Variants in SYNE2 observed in about 807,000 individuals in gnomAD.
SYNE2 encodes spectrin repeat containing nuclear envelope protein 2.
SYNE2 carries 431 observed loss-of-function variants against 856.3 expected under a neutral mutation model. The observed-to-expected ratio is 0.50, with a 90% CI of 0.47 to 0.55. The LOEUF is 0.55. Ranked by LOEUF, SYNE2 falls within the 20% of genes least tolerant of loss-of-function variation. The pLI, the probability that SYNE2 is intolerant of heterozygous loss-of-function variation, is 0.00. For synonymous variants in SYNE2, 2,923 were observed against 2,872.3 expected (o/e 1.02, Z -0.56); for missense variants, 8,129 against 8,023.2 (o/e 1.01, Z -0.50).
rs777286725 is a variant in SYNE2 at position 63,960,848 on chromosome 14, C to T, written c.788-677C>T. The T allele has an allele frequency of 4.1e-5, 30 of 737,590 alleles. 1 individual carries two copies. The East Asian group carries it at 6.9e-4, about 17-fold the overall frequency. The allele number at this position is 737,590 out of a possible 1,614,324, so 45.7% of individuals were successfully genotyped here. On this transcript the variant is annotated intron_variant, in intron 8 of 115. Transcript: ENST00000555002. ...CTGTTTGAGGCCAGGAGTTTGAGAC[C>T]AGACTGGACAACATAGAGAGACCCT...
rs2097827386 is a variant in SYNE2 at position 64,113,322 on chromosome 14, A to C, written c.12610-19A>C. ...CTGAAAACTTTGGACTCCCTGGCTT[A>C]TCTTTGGATTTCTCTTAGGGCACCA... On this transcript the variant is annotated intron_variant, in intron 65 of 115. Transcript: ENST00000555002. The C allele has an allele frequency of 2.5e-6, 4 of 1,613,032 alleles. No individual in the cohort carries two copies. Among genetic ancestry groups the C allele is most frequent in the Non-Finnish European group, 3.4e-6 (4 of 1,179,984 alleles).
At chr14:64,201,041 C>T (rs111282390) in intron 99 of SYNE2, among the ~76,000 whole-genome samples, 9 of 152,338 alleles carry the variant, frequency 5.9e-5, no homozygotes, top group African/African-American at 2.2e-4. Context: ...GCTGACTTTA[C>T]ATGCAGCCTC....
At chr14:64,185,056 G>A (rs993833514) in intron 96 of SYNE2, among the ~76,000 whole-genome samples, 8 of 152,232 alleles carry the variant, frequency 5.3e-5, no homozygotes, top group African/African-American at 1.7e-4. Flanking sequence ...GGGAGTTTGA[G>A]ACCAGCCTGG....
intron 1 of SYNE2, among the ~76,000 whole-genome samples, chr14:63,837,320 G>A (rs1287793977): frequency 2.0e-5 from 3 of 151,436 alleles, no homozygotes; most frequent in Non-Finnish European, 4.4e-5. Flanking sequence ...ACCTAAAAAG[G>A]AAGAGCTAAA....
intron 64 of SYNE2, among the ~76,000 whole-genome samples, chr14:64,104,603 C>A (rs2097759560): frequency 6.6e-6 from 1 of 152,124 alleles, no homozygotes; most frequent in South Asian, 2.1e-4. Context: ...GTGCCCGCCA[C>A]CATGCCTGGC....
At chr14:64,182,710 G>A (rs2153740594) in intron 96 of SYNE2, among the ~76,000 whole-genome samples, 1 of 152,356 alleles carries the variant, frequency 6.6e-6, no homozygotes, top group South Asian at 2.1e-4. Flanking sequence ...TTGGGGGTAA[G>A]GTCATAGATT....
chr14:64,116,216 G>T (rs2097852999), intron 66 of SYNE2, among the ~76,000 whole-genome samples: 1 of 150,872 alleles, frequency 6.6e-6, no homozygotes, highest in Non-Finnish European at 1.5e-5. Context: ...AGGGAGGGAG[G>T]ATTATGCTTA....
Position 64,024,475 on chromosome 14 carries a change from G to A in SYNE2, c.5840+16G>A, listed in dbSNP as rs1359053735. ...AGCTACTGAGGTAGGAAATAAAGAT[G>A]ATATCTAAATAACATGTTTTCTAAC... On this transcript the variant is annotated intron_variant, in intron 39 of 115. Coordinates refer to ENST00000555002, the MANE Select transcript of SYNE2 (RefSeq NM_182914.3). 4.3e-6 allele frequency: 7 copies of A among 1,609,374 alleles called. No homozygotes were observed. The highest frequency in any genetic ancestry group is 5.9e-6 in the Non-Finnish European group (7 of 1,176,496).
At position 64,202,829 on chromosome 14, in the gene SYNE2, T is replaced by C; in HGVS notation, c.18067T>C (p.Phe6023Leu). The change falls in exon 100 of 116, where the codon TTT (phenylalanine) becomes CTT (leucine). Residue 6023 changes from phenylalanine (F) to leucine (L), a missense_variant. By Grantham distance (22) the Phe-to-Leu change is conservative. This residue lies in a region of SYNE2 where 5,410 missense variants were observed against 5,284.8 expected (regional missense o/e 1.02). Transcript: ENST00000555002. ...GAAGAAGCTGAAGGAGACCTTTGCT[T>C]TTATTCAGCAGTTGGACAAAAACAT... is the stretch of plus-strand genomic sequence containing the variant. Reference protein sequence around the residue: ...RVKKLKETFAFIQQLDKNMSN... With the variant: ...RVKKLKETFALIQQLDKNMSN... 1 of 1,614,206 alleles carries C rather than the reference T, an allele frequency of 6.2e-7. No individual in the cohort carries two copies. Among genetic ancestry groups the C allele is most frequent in the Non-Finnish European group, 8.5e-7 (1 of 1,180,030 alleles).
rs1157236585 is a variant in SYNE2 at position 64,225,874 on chromosome 14, C to T, written c.*348C>T. The T allele has an allele frequency of 3.7e-6, 2 of 536,992 alleles. No homozygotes were observed. Among genetic ancestry groups the T allele is most frequent in the Non-Finnish European group, 3.3e-6 (1 of 300,480 alleles). The allele number at this position is 536,992 out of a possible 1,614,324, so 33.3% of individuals were successfully genotyped here. On this transcript the variant is annotated 3_prime_UTR_variant, in exon 116 of 116. Coordinates refer to ENST00000555002, the MANE Select transcript of SYNE2 (RefSeq NM_182914.3). ...TTATAATGTAGGTATGGTCAATGAG[C>T]AGTGGTGTCCATCACATATATTATA...
At chr14:64,021,583 T>G (rs986457283) in intron 36 of SYNE2, 68 bp downstream of exon 36, 3 of 1,567,444 alleles carry the variant, frequency 1.9e-6, no homozygotes, top group Non-Finnish European at 2.6e-6. Flanking sequence ...TGTCTTGAGC[T>G]CTTAGAGTTA....
chr14:64,127,218 A>G (rs1449729561), intron 73 of SYNE2, among the ~76,000 whole-genome samples: 1 of 152,004 alleles, frequency 6.6e-6, no homozygotes, highest in Non-Finnish European at 1.5e-5. Flanking sequence ...CTGAGATCAC[A>G]CGACTGCACT....
intron 45 of SYNE2, chr14:64,034,610 G>A: frequency 2.0e-6 from 1 of 512,244 alleles, no homozygotes; most frequent in East Asian, 3.0e-5. Flanking sequence ...TGTAGATCTG[G>A]ACCTTTGGTT....
chr14:63,962,275 C>T (rs1452352193), intron 9 of SYNE2, among the ~76,000 whole-genome samples: 2 of 152,000 alleles, frequency 1.3e-5, no homozygotes, highest in Admixed American at 6.6e-5. Context: ...AGGCTGGTCT[C>T]GAACCCCTGA....
At chr14:64,134,261 G>C in intron 78 of SYNE2, 61 bp downstream of exon 78, 1 of 1,570,036 alleles carries the variant, frequency 6.4e-7, no homozygotes, top group South Asian at 1.1e-5. Flanking sequence ...TTTTACATTT[G>C]TTTTGACTAA....
chr14:64,019,518 C>G (rs111588727), intron 34 of SYNE2, among the ~76,000 whole-genome samples: 5 of 152,210 alleles, frequency 3.3e-5, no homozygotes, highest in Admixed American at 1.3e-4. Context: ...CTATGATTTT[C>G]TAAGTATAAA....
At chr14:64,022,723 G>T in intron 37 of SYNE2, 28 bp from the exon 38 acceptor site, 1 of 1,189,182 alleles carries the variant, frequency 8.4e-7, no homozygotes, top group Non-Finnish European at 1.2e-6. Context: ...TTCCTTGAAT[G>T]AATAGAGCTT....
chr14:64,062,715 T>C lies in SYNE2; in HGVS notation c.10068-36T>C, dbSNP rs771608513. ...TTTGAATTTATTGTGTTAAATAAAATTTAATACCACTTTTTTTCTAACTGT... is the reference window on the plus strand; with the variant it reads ...TTTGAATTTATTGTGTTAAATAAAACTTAATACCACTTTTTTTCTAACTGT... On this transcript the variant is annotated intron_variant, in intron 49 of 115. Transcript: ENST00000555002. 6.3e-6 allele frequency: 10 copies of C among 1,580,382 alleles called. No homozygotes were observed. In the African/African-American group the frequency reaches 9.4e-5, roughly 15 times the overall value.
chr14:63,937,347 A>T (rs1373965404), intron 2 of SYNE2, among the ~76,000 whole-genome samples: 4 of 152,160 alleles, frequency 2.6e-5, no homozygotes, highest in Non-Finnish European at 5.9e-5. Flanking sequence ...ATGGCTGTAT[A>T]CTCATGGGAA....
Sources: allele counts gnomAD v4.1 joint callset (sites outside exome capture counted in the v4.1 genomes callset), GRCh38; gene constraint gnomAD v4.1.1; regional missense constraint gnomAD v4.1.1; transcripts MANE v1.5; gene names NCBI Gene and HGNC (gene_info 2026-07-23, HGNC 2026-07-21).